Variants in CAST observed in about 807,000 individuals in gnomAD.
CAST encodes MIR583 host.
In CAST, 76 loss-of-function variants were observed where a neutral mutation model predicts 119.6. That is an observed-to-expected ratio of 0.64 (90% confidence interval 0.53 to 0.77). The LOEUF is 0.77. Ranked by LOEUF, CAST falls within the 30% of genes least tolerant of loss-of-function variation. The probability of loss-of-function intolerance (pLI) is 0.00; values close to 1 mark genes in which losing one functional copy is unlikely to be tolerated. For synonymous variants in CAST, 319 were observed against 331.6 expected, an observed-to-expected ratio of 0.96 and a Z score of 0.41; for missense variants, 953 against 946.5, an observed-to-expected ratio of 1.01 and a Z score of -0.09.
chr5:96,053,896 G>A, the CAST span, among the ~76,000 whole-genome samples: 4 of 152,174 alleles, frequency 2.6e-5, no homozygotes, highest in African/African-American at 9.7e-5. Context: ...TATGGCATCA[G>A]GATGCCTCCC....
intron 1 of CAST, among the ~76,000 whole-genome samples, chr5:96,667,605 T>TA (rs992463112): frequency 1.2e-4 from 19 of 152,318 alleles, no homozygotes; most frequent in Non-Finnish European, 2.5e-4. Context: ...ACTGAAATCT[T>TA]AAAATGTTAG....
chr5:96,110,719 G>A, the CAST span, among the ~76,000 whole-genome samples: 2 of 152,132 alleles, frequency 1.3e-5, no homozygotes, highest in African/African-American at 4.8e-5. Flanking sequence ...AGGTGATTAG[G>A]GAAGGAGATG....
chr5:96,473,029 G>A, the CAST span, among the ~76,000 whole-genome samples: 3 of 152,166 alleles, frequency 2.0e-5, no homozygotes, highest in Non-Finnish European at 4.4e-5. Context: ...CCCTGTATGG[G>A]TCTCTGTGTC....
the CAST span, among the ~76,000 whole-genome samples, chr5:96,314,116 A>G: frequency 2.0e-5 from 3 of 152,200 alleles, no homozygotes; most frequent in Non-Finnish European, 4.4e-5. Flanking sequence ...TGGAATTGTT[A>G]GAAGAGTTTT....
the CAST span, among the ~76,000 whole-genome samples, chr5:96,015,436 C>T: frequency 6.6e-6 from 1 of 151,984 alleles, no homozygotes; most frequent in Non-Finnish European, 1.5e-5. Context: ...TTTTAGAAAA[C>T]ATGTTTTAGA....
the CAST span, among the ~76,000 whole-genome samples, chr5:96,154,882 T>C: frequency 1.3e-5 from 2 of 152,240 alleles, no homozygotes; most frequent in African/African-American, 2.4e-5. Context: ...ATGATGACCA[T>C]GTCAGGTTTC....
intron 2 of CAST, among the ~76,000 whole-genome samples, chr5:96,694,083 A>T (rs1172057369): frequency 1.3e-5 from 2 of 152,194 alleles, no homozygotes; most frequent in Non-Finnish European, 2.9e-5. Flanking sequence ...GGGAAAGAAG[A>T]CTTCAGTTCA....
chr5:96,432,468 G>T, the CAST span, among the ~76,000 whole-genome samples: 1 of 152,192 alleles, frequency 6.6e-6, no homozygotes, highest in Non-Finnish European at 1.5e-5. Flanking sequence ...GACGCAGACC[G>T]CCTCAGTCCC....
chr5:96,102,352 G>A, the CAST span, among the ~76,000 whole-genome samples: 1 of 152,120 alleles, frequency 6.6e-6, no homozygotes, highest in South Asian at 2.1e-4. Context: ...CCGAAGTTAA[G>A]CCCTCTCTCC....
the CAST span, among the ~76,000 whole-genome samples, chr5:96,052,979 G>A: frequency 7.9e-5 from 12 of 152,134 alleles, no homozygotes; most frequent in African/African-American, 2.7e-4. Context: ...GTGGTATGGC[G>A]ACCCAGAGAC....
At chr5:96,061,732 A>C in the CAST span, among the ~76,000 whole-genome samples, 3 of 151,978 alleles carry the variant, frequency 2.0e-5, no homozygotes, top group African/African-American at 7.3e-5. Context: ...GACTATGGAA[A>C]ATGGTTTGTC....
the CAST span, among the ~76,000 whole-genome samples, chr5:96,214,239 A>G: frequency 6.6e-6 from 1 of 152,212 alleles, no homozygotes; most frequent in Non-Finnish European, 1.5e-5. Context: ...AGCATGAATA[A>G]GAAATAATTT....
chr5:96,561,796 G>GTTTTTTTTTGTT (rs1746371626), intron 1 of CAST, among the ~76,000 whole-genome samples: 2 of 97,422 alleles, frequency 2.1e-5, no homozygotes, highest in African/African-American at 7.7e-5. Context: ...GTTTTTTTTT[G>GTTTTTTTTTGTT]TTTTTTTTTT....
chr5:96,493,417 A>G, the CAST span, among the ~76,000 whole-genome samples: 1 of 152,172 alleles, frequency 6.6e-6, no homozygotes, highest in Non-Finnish European at 1.5e-5. Flanking sequence ...GCCTCTTCAC[A>G]GAGAGAGAAT....
chr5:96,070,155 TC>T, the CAST span, among the ~76,000 whole-genome samples: 1 of 152,170 alleles, frequency 6.6e-6, no homozygotes, highest in African/African-American at 2.4e-5. Context: ...GTAATATACT[TC>T]ACTTAAAGTT....
chr5:96,499,424 T>A, the CAST span, among the ~76,000 whole-genome samples: 1 of 152,242 alleles, frequency 6.6e-6, no homozygotes, highest in Admixed American at 6.5e-5. Flanking sequence ...TAAAAAACTG[T>A]GTCTTAATTT....
chr5:96,733,264 G>T (rs1760949475), intron 9 of CAST, among the ~76,000 whole-genome samples: 1 of 152,132 alleles, frequency 6.6e-6, no homozygotes, highest in Non-Finnish European at 1.5e-5. Context: ...GCACCAATGA[G>T]GAATGCTTAC....
chr5:96,151,888 G>C, the CAST span, among the ~76,000 whole-genome samples: 1 of 152,210 alleles, frequency 6.6e-6, no homozygotes, highest in African/African-American at 2.4e-5. Context: ...AAAGAGCAAA[G>C]AGACTCTTGC....
the CAST span, among the ~76,000 whole-genome samples, chr5:96,190,956 C>T: frequency 1.3e-5 from 2 of 152,116 alleles, no homozygotes; most frequent in Non-Finnish European, 2.9e-5. Flanking sequence ...ATTGAGCTCC[C>T]ACTTATAAAT....
Sources: allele counts gnomAD v4.1 joint callset (sites outside exome capture counted in the v4.1 genomes callset), GRCh38; gene constraint gnomAD v4.1.1; transcripts MANE v1.5; gene names NCBI Gene and HGNC (gene_info 2026-07-23, HGNC 2026-07-21).